Variants in MMS22L observed in about 807,000 individuals in gnomAD.
MMS22L encodes the protein protein MMS22-like.
MMS22L carries 74 observed loss-of-function variants against 159.1 expected under a neutral mutation model. The ratio of observed to expected loss-of-function variants is 0.47; its 90% CI spans 0.39 to 0.56. The LOEUF (loss-of-function observed/expected upper bound fraction) is 0.56. Among genes scored for constraint, MMS22L ranks in the 20% least tolerant of loss-of-function variants. MMS22L has a pLI of 0.00. For synonymous variants in MMS22L, 517 were observed against 506.9 expected (o/e 1.02, Z -0.27); for missense variants, 1,351 against 1,422.1 (o/e 0.95, Z 0.80).
chr6:97,247,296 G>A (rs1281769955), intron 10 of MMS22L, among the ~76,000 whole-genome samples: 2 of 152,104 alleles, frequency 1.3e-5, no homozygotes, highest in Admixed American at 6.5e-5. Context: ...CATTCTCACA[G>A]GATACTCAGT....
At position 97,226,461 on chromosome 6, in the gene MMS22L, G is replaced by A. The variant is rs117319353; in HGVS notation, c.2039+2433C>T. Among the ~76,000 whole-genome samples, 653 of 152,208 alleles carry A rather than the reference G, an allele frequency of 4.3e-3. 4 individuals are homozygous for A. Among genetic ancestry groups the A allele is most frequent in the Non-Finnish European group, 7.6e-3 (514 of 68,010 alleles). On this transcript the variant is annotated intron_variant, in intron 14 of 24. Coordinates refer to ENST00000683635, the MANE Select transcript of MMS22L (RefSeq NM_001350599.2). ...ACATAAAAATTAGCTGTGCGTGGTA[G>A]TGTGTGCCTGTAATCCCAGCTACTC...
At chr6:97,202,517 G>A (rs528126896) in intron 14 of MMS22L, among the ~76,000 whole-genome samples, 38 of 152,240 alleles carry the variant, frequency 2.5e-4, no homozygotes, top group African/African-American at 9.1e-4. Context: ...TTACCTTAGC[G>A]TTGACTAACC....
chr6:97,249,562 G>A (rs915854460), intron 10 of MMS22L, among the ~76,000 whole-genome samples: 7 of 152,140 alleles, frequency 4.6e-5, no homozygotes, highest in African/African-American at 1.2e-4. Context: ...ACTGTGTTAC[G>A]TTCTTGACAT....
Position 97,168,143 on chromosome 6 carries a change from T to C in MMS22L, c.2937A>G (p.Val979=), listed in dbSNP as rs1803166293. The C allele has an allele frequency of 6.2e-7, 1 of 1,613,402 alleles. No individual in the cohort carries two copies. Among genetic ancestry groups the C allele is most frequent in the Non-Finnish European group, 8.5e-7 (1 of 1,179,514 alleles). ...CAGGCAGTTCCTTCTCTTGCTGTAA[T>C]ACTGCATGTGGCAGCAGTAAACAAT... ...IIDCLLLPHA[V]LQQEKELPAP... is the part of the protein sequence containing the mutation. Residue 979 remains valine, a synonymous_variant, in exon 20 of 25, where the codon GTA becomes GTG. Transcript: ENST00000683635.
chr6:97,248,858 CAA>C (rs113429121), intron 10 of MMS22L, among the ~76,000 whole-genome samples: 22 of 127,378 alleles, frequency 1.7e-4, no homozygotes, highest in Middle Eastern at 3.9e-3. Context: ...GACTTTGTCT[CAA>C]AAAAAAAAAA....
Position 97,243,360 on chromosome 6 carries a change from T to A in MMS22L, c.1182+3268A>T, listed in dbSNP as rs138571818. Reference sequence around the variant, plus strand: ...CTCTGATGCTCTTTCTTCTACTTGTTTGATTCTACTGTTGAAACTTCTCAG... The same window carrying A: ...CTCTGATGCTCTTTCTTCTACTTGTATGATTCTACTGTTGAAACTTCTCAG... On this transcript the variant is annotated intron_variant, in intron 11 of 24. Transcript: ENST00000683635. Among the ~76,000 whole-genome samples, 435 of 152,190 alleles carry A rather than the reference T, an allele frequency of 2.9e-3. 1 individual carries two copies. The highest frequency in any genetic ancestry group is 0.01 in the African/African-American group (424 of 41,540).
intron 13 of MMS22L, chr6:97,230,772 C>T (rs6912624): frequency 0.76 from 115,045 of 152,112 alleles, 44,517 homozygotes; most frequent in Middle Eastern, 0.84. Flanking sequence ...CAGTATATGA[C>T]AAATGAAATA....
intron 13 of MMS22L, 190 bp downstream of exon 13, chr6:97,231,236 A>C (rs1194362876): frequency 3.6e-6 from 2 of 550,154 alleles, no homozygotes; most frequent in African/African-American, 3.8e-5. Flanking sequence ...ATATGTTGAA[A>C]CTATTACCTA....
At chr6:97,224,966 T>C (rs1465995504) in intron 14 of MMS22L, among the ~76,000 whole-genome samples, 28 of 152,192 alleles carry the variant, frequency 1.8e-4, no homozygotes. Context: ...AGCTGTGGTA[T>C]AGTTGGTTAA....
rs1263817403 is a variant in MMS22L at position 97,210,829 on chromosome 6, T to C, written c.2039+18065A>G. Among the ~76,000 whole-genome samples the C allele has an allele frequency of 2.0e-5, 3 of 152,030 alleles. 1 individual carries two copies. Among genetic ancestry groups the C allele is most frequent in the South Asian group, 4.1e-4 (2 of 4,830 alleles). ...AATTCTGAAATAGCTGGACCATTAA[T>C]TCAACCTAATATATGTAATTTCTTA... On this transcript the variant is annotated intron_variant, in intron 14 of 24. Transcript: ENST00000683635.
At chr6:97,263,657 C>A in intron 8 of MMS22L, 2 of 365,072 alleles carry the variant, frequency 5.5e-6, no homozygotes, top group Admixed American at 4.8e-5. Context: ...AATTTGATTT[C>A]AACTTAAAAA....
chr6:97,197,354 A>G (rs1260848764), intron 14 of MMS22L, among the ~76,000 whole-genome samples: 1 of 152,134 alleles, frequency 6.6e-6, no homozygotes, highest in African/African-American at 2.4e-5. Context: ...AACGTAATGA[A>G]CGAAAGTAAA....
At chr6:97,173,038 G>C (rs377306415) in intron 19 of MMS22L, 25 bp downstream of exon 19, 3 of 1,600,074 alleles carry the variant, frequency 1.9e-6, no homozygotes, top group African/African-American at 1.4e-5. Flanking sequence ...AATGTTACTA[G>C]CAAAATAATG....
At chr6:97,234,170 C>A (rs558481452) in intron 11 of MMS22L, among the ~76,000 whole-genome samples, 190 bp from the exon 12 acceptor site, 8 of 152,196 alleles carry the variant, frequency 5.3e-5, no homozygotes, top group Admixed American at 2.6e-4. Flanking sequence ...ATGTTTTAAA[C>A]ACCATTAACA....
intron 14 of MMS22L, among the ~76,000 whole-genome samples, chr6:97,207,450 C>T (rs1177904456): frequency 6.6e-6 from 1 of 152,150 alleles, no homozygotes. Flanking sequence ...AATTTCATTA[C>T]AACTATTTGC....
chr6:97,185,979 C>T (rs561557325), intron 15 of MMS22L, among the ~76,000 whole-genome samples: 1 of 151,908 alleles, frequency 6.6e-6, no homozygotes, highest in East Asian at 1.9e-4. Flanking sequence ...TCCCTTAAAG[C>T]CTAAGGACAT....
Position 97,151,864 on chromosome 6 carries a change from T to C in MMS22L, c.3389A>G (p.Lys1130Arg). 1 of 1,613,334 alleles carries C rather than the reference T, an allele frequency of 6.2e-7. No individual in the cohort carries two copies. The highest frequency in any genetic ancestry group is 1.7e-4 in the Middle Eastern group (1 of 6,052). ...CLVLVSEPQV[K>R]RLATENLQYM... Reference sequence around the variant, plus strand: ...TTGCAGGTTCTCTGTGGCCAGCCTTTTAACTAGAAGGAAAAATTACAGCAT... The same window carrying C: ...TTGCAGGTTCTCTGTGGCCAGCCTTCTAACTAGAAGGAAAAATTACAGCAT... Residue 1130 changes from lysine (K) to arginine (R), a missense_variant, in exon 23 of 25, where the codon AAA (lysine) becomes AGA (arginine). Lys to Arg is a conservative substitution (Grantham distance 26, BLOSUM62 2). Coordinates refer to ENST00000683635, the MANE Select transcript of MMS22L (RefSeq NM_001350599.2).
chr6:97,256,573 T>C (rs1005414959), intron 9 of MMS22L, among the ~76,000 whole-genome samples: 1 of 152,234 alleles, frequency 6.6e-6, no homozygotes. Context: ...GGTTGACAAA[T>C]ATTGTTTTGA....
chr6:97,221,506 A>G (rs1809645001), intron 14 of MMS22L, among the ~76,000 whole-genome samples: 4 of 151,990 alleles, frequency 2.6e-5, no homozygotes, highest in Admixed American at 2.6e-4. Context: ...TAAAGAGTAA[A>G]TAAGGTGAAA....
Sources: gnomAD v4.1 joint callset for allele counts (sites outside exome capture counted in the v4.1 genomes callset) on GRCh38, gnomAD v4.1.1 for gene constraint, MANE v1.5 for transcripts, NCBI Gene and HGNC (gene_info 2026-07-23, HGNC 2026-07-21) for gene names.